Variants in UGP2 observed in about 807,000 individuals in gnomAD.
UGP2 encodes UTP--glucose-1-phosphate uridylyltransferase.
A neutral mutation model predicts 49.0 loss-of-function variants in UGP2; 40 were observed. The observed-to-expected ratio is 0.82, with a 90% CI of 0.63 to 1.06. UGP2 has a LOEUF of 1.06. Among genes scored for constraint, UGP2 ranks in the 50% least tolerant of loss-of-function variants. UGP2 has a pLI of 0.00. For synonymous variants in UGP2, 225 were observed against 213.0 expected (o/e 1.06, Z -0.49); for missense variants, 460 against 603.5 (o/e 0.76, Z 2.49).
intron 3 of UGP2, among the ~76,000 whole-genome samples, chr2:63,869,925 T>A (rs1280952989): frequency 2.0e-5 from 3 of 149,634 alleles, no homozygotes; most frequent in South Asian, 2.1e-4. Context: ...AAAATTAATT[T>A]TTTTTTTTTT....
At chr2:63,842,307 G>A (rs891099121) in intron 1 of UGP2, 103 bp downstream of exon 1, 30 of 1,607,856 alleles carry the variant, frequency 1.9e-5, no homozygotes, top group Non-Finnish European at 2.3e-5. Context: ...GTTCATTTGA[G>A]ATAACATTTG....
intron 1 of UGP2, among the ~76,000 whole-genome samples, chr2:63,844,517 G>A (rs6546030): frequency 0.83 from 126,001 of 152,026 alleles, 52,356 homozygotes; most frequent in East Asian, 0.92. Context: ...GGTGAGGAAA[G>A]TTAAGTATCT....
intron 3 of UGP2, among the ~76,000 whole-genome samples, chr2:63,875,237 C>T (rs1258524095): frequency 6.6e-6 from 1 of 152,176 alleles, no homozygotes; most frequent in Non-Finnish European, 1.5e-5. Flanking sequence ...AGTGGCATTC[C>T]TAATTCGTTA....
chr2:63,886,786 GAACCTACT>G (rs1671705122), intron 7 of UGP2, among the ~76,000 whole-genome samples: 1 of 152,174 alleles, frequency 6.6e-6, no homozygotes, highest in African/African-American at 2.4e-5. Flanking sequence ...CAAAAGTAGA[GAACCTACT>G]TCAGTCTTAG....
intron 3 of UGP2, among the ~76,000 whole-genome samples, chr2:63,881,656 G>C (rs147938921): frequency 1.3e-5 from 2 of 152,222 alleles, no homozygotes; most frequent in African/African-American, 2.4e-5. Context: ...GGCCTCTGCT[G>C]TAAGTTGTGT....
At chr2:63,856,226 C>A in intron 1 of UGP2, 80 bp from the exon 2 acceptor site, 1 of 1,522,958 alleles carries the variant, frequency 6.6e-7, no homozygotes, top group Non-Finnish European at 8.8e-7. Context: ...TGCTGAATAC[C>A]AGAAATCAGT....
intron 2 of UGP2, 57 bp from the exon 3 acceptor site, chr2:63,857,772 G>A: frequency 2.7e-6 from 4 of 1,485,022 alleles, no homozygotes; most frequent in East Asian, 2.3e-5. Flanking sequence ...CTGTCTTTAT[G>A]TTTTTATTAA....
rs1558968859 is a variant in UGP2, at chr2:63,891,351, T to TA, written c.*125dup. ...TACCCTGCAGTGTTGATTTTTAAAA[T>TA]AGAGTTTTCTGCAGTATGCTTTTAG... On this transcript the variant is annotated 3_prime_UTR_variant, in exon 10 of 10. Transcript: ENST00000337130. 6.0e-6 allele frequency: 4 copies of TA among 661,826 alleles called. No homozygotes were observed. Among genetic ancestry groups the TA allele is most frequent in the African/African-American group, 3.8e-5 (2 of 53,240 alleles). 41.0% of individuals were successfully genotyped at this position (661,826 alleles called of 1,614,324 possible). A position where few individuals can be genotyped will look rare whatever the true frequency, so the allele number is the denominator to read the frequency against.
intron 1 of UGP2, chr2:63,855,851 A>G (rs984738788): frequency 8.4e-6 from 2 of 238,960 alleles, no homozygotes; most frequent in African/African-American, 4.8e-5. Flanking sequence ...CTTTTTCTGT[A>G]GTTTTCTATT....
chr2:63,879,025 C>T (rs1671117716), intron 3 of UGP2, among the ~76,000 whole-genome samples: 1 of 151,414 alleles, frequency 6.6e-6, no homozygotes, highest in African/African-American at 2.4e-5. Flanking sequence ...AAAAAAGTTC[C>T]TGTTAGTACT....
chr2:63,886,534 C>T lies in UGP2; in HGVS notation c.1067C>T (p.Ala356Val). 6.2e-7 allele frequency: 1 copy of T among 1,613,996 alleles called. No individual in the cohort carries two copies. Among genetic ancestry groups the T allele is most frequent in the Non-Finnish European group, 8.5e-7 (1 of 1,180,014 alleles). ...ATTGACATGGAAATCATTGTGAATG[C>T]AAAGGTAAGCCAAGGTTGTGGCCCA... ...NAIDMEIIVN[A>V]KTLDGGLNVI... Residue 356 changes from alanine (A) to valine (V), a missense_variant, in exon 7 of 10, where the codon GCA (alanine) becomes GTA (valine). By Grantham distance (64) the Ala-to-Val change is moderately conservative. This residue lies in a region of UGP2 where 317 missense variants were observed against 473.0 expected (regional missense o/e 0.67). Coordinates refer to ENST00000337130, the MANE Select transcript of UGP2 (RefSeq NM_006759.4).
chr2:63,860,953 G>C (rs1056047184), intron 3 of UGP2, among the ~76,000 whole-genome samples: 2 of 151,796 alleles, frequency 1.3e-5, no homozygotes, highest in Admixed American at 1.3e-4. Flanking sequence ...GGTTTTACTC[G>C]TTCTTACCTT....
chr2:63,891,507 C>A lies in UGP2; in HGVS notation c.*280C>A. On this transcript the variant is annotated 3_prime_UTR_variant, in exon 10 of 10. Coordinates refer to ENST00000337130, the MANE Select transcript of UGP2 (RefSeq NM_006759.4). ...TTGGAAGAACTTTTAACAGAAGCCT[C>A]AATGATGATCACTTTGAATTGCTTG... is the stretch of plus-strand genomic sequence containing the variant. 4.2e-6 allele frequency: 1 copy of A among 238,528 alleles called. No individual in the cohort carries two copies. The highest frequency in any genetic ancestry group is 8.0e-6 in the Non-Finnish European group (1 of 124,226). 14.8% of individuals were successfully genotyped at this position (238,528 alleles called of 1,614,324 possible).
At position 63,886,490 on chromosome 2, in the gene UGP2, A is replaced by G; in HGVS notation, c.1023A>G (p.Arg341=). ...GGATTTCTCTTGCAGCAGTTAAAAG[A>G]CTGCAGGAGCAAAATGCCATTGACA... ...NLWISLAAVK[R]LQEQNAIDME... The change falls in exon 7 of 10, where the codon AGA becomes AGG. Residue 341 remains arginine (R), a synonymous_variant. Coordinates refer to ENST00000337130, the MANE Select transcript of UGP2 (RefSeq NM_006759.4). 6.2e-7 allele frequency: 1 copy of G among 1,614,198 alleles called. No homozygotes were observed. The highest frequency in any genetic ancestry group is 1.1e-5 in the South Asian group (1 of 91,086).
At chr2:63,863,650 C>T (rs1365365701) in intron 3 of UGP2, among the ~76,000 whole-genome samples, 1 of 152,140 alleles carries the variant, frequency 6.6e-6, no homozygotes. Context: ...AAAAAAGTTG[C>T]AAAGATACAC....
intron 3 of UGP2, among the ~76,000 whole-genome samples, chr2:63,877,699 G>C (rs1373348494): frequency 6.6e-6 from 1 of 152,078 alleles, no homozygotes; most frequent in East Asian, 1.9e-4. Flanking sequence ...TGTCTTGTAA[G>C]AAGTCTGCAT....
intron 5 of UGP2, 72 bp from the exon 6 acceptor site, chr2:63,885,517 G>A (rs1671615041): frequency 1.7e-6 from 2 of 1,174,004 alleles, no homozygotes; most frequent in Non-Finnish European, 2.3e-6. Flanking sequence ...TAACTTTAAT[G>A]TATTATTTTA....
At position 63,854,655 on chromosome 2, in the gene UGP2, G is replaced by A. The variant is rs143723419; in HGVS notation, c.20-1651G>A. Among the ~76,000 whole-genome samples the A allele has an allele frequency of 1.6e-4, 24 of 152,176 alleles. No homozygotes were observed. The East Asian group carries it at 4.2e-3, about 27-fold the overall frequency. On this transcript the variant is annotated intron_variant, in intron 1 of 9. Transcript: ENST00000337130. ...CTTTATTCTTGAATATTTTTTATTC[G>A]TTACAAGCCCTTCCTGATTCTTTAA...
At chr2:63,887,667 GAGTTCATATTTCTTAAA>G in intron 8 of UGP2, 23 bp downstream of exon 8, 1 of 1,609,340 alleles carries the variant, frequency 6.2e-7, no homozygotes, top group Non-Finnish European at 8.5e-7. Context: ...AAAGATATGT[GAGTTCATATTTCTTAAA>G]TGTGTAATTA....
Sources: allele counts gnomAD v4.1 joint callset (sites outside exome capture counted in the v4.1 genomes callset), GRCh38; gene constraint gnomAD v4.1.1; regional missense constraint gnomAD v4.1.1; transcripts MANE v1.5; gene names NCBI Gene and HGNC (gene_info 2026-07-23, HGNC 2026-07-21).